The following THOC5 variants were observed in gnomAD, a reference collection of about 807,000 sequenced individuals.
THOC5 encodes the protein Fms-interacting protein.
A neutral mutation model predicts 92.9 loss-of-function variants in THOC5; 43 were observed. The observed-to-expected ratio is 0.46, with a 90% CI of 0.36 to 0.60. THOC5 has a LOEUF of 0.60. Among genes scored for constraint, THOC5 ranks in the 20% least tolerant of loss-of-function variants. The probability of loss-of-function intolerance (pLI) is 0.00; values close to 1 mark genes in which losing one functional copy is unlikely to be tolerated. For missense variants in THOC5, 659 were observed against 849.4 expected, an observed-to-expected ratio of 0.78 and a Z score of 2.79; for synonymous variants, 296 against 320.1, an observed-to-expected ratio of 0.92 and a Z score of 0.80.
At chr22:29,512,712 C>T (rs2063248744) in intron 17 of THOC5, among the ~76,000 whole-genome samples, 1 of 152,080 alleles carries the variant, frequency 6.6e-6, no homozygotes. Context: ...TACTATTATC[C>T]TCATCCTCAT....
intron 1 of THOC5, among the ~76,000 whole-genome samples, chr22:29,551,570 C>A (rs998764680): frequency 6.6e-6 from 1 of 152,020 alleles, no homozygotes; most frequent in East Asian, 1.9e-4. Flanking sequence ...GGCAACAGAG[C>A]GAGACCCCAT....
intron 19 of THOC5, among the ~76,000 whole-genome samples, chr22:29,510,665 A>T (rs999544517): frequency 2.0e-5 from 3 of 151,712 alleles, no homozygotes; most frequent in African/African-American, 7.3e-5. Context: ...AGCAGAACTG[A>T]CTCTTCTAAG....
At chr22:29,522,194 C>CA (rs34045670) in intron 12 of THOC5, among the ~76,000 whole-genome samples, 48,322 of 137,444 alleles carry the variant, frequency 0.35, 8,242 homozygotes, top group South Asian at 0.51. Flanking sequence ...GCTAAAAATA[C>CA]AAAAAAAAAA....
intron 5 of THOC5, among the ~76,000 whole-genome samples, chr22:29,541,279 G>T (rs737981): frequency 0.25 from 37,527 of 151,826 alleles, 4,729 homozygotes; most frequent in East Asian, 0.32. Flanking sequence ...GGAGGCCAAG[G>T]CAGGTGGATC....
At chr22:29,526,303 T>C (rs925896083) in intron 11 of THOC5, among the ~76,000 whole-genome samples, 2 of 151,912 alleles carry the variant, frequency 1.3e-5, no homozygotes, top group Non-Finnish European at 2.9e-5. Flanking sequence ...GAGGCCAAGG[T>C]GGGCAGATCA....
At chr22:29,516,668 A>G (rs2063338051) in intron 17 of THOC5, among the ~76,000 whole-genome samples, 1 of 152,204 alleles carries the variant, frequency 6.6e-6, no homozygotes. Context: ...TGAGGGTGAC[A>G]CCTCAGCCCT....
chr22:29,536,306 T>G (rs964769902), intron 7 of THOC5: 1 of 252,188 alleles, frequency 4.0e-6, no homozygotes, highest in African/African-American at 2.2e-5. Context: ...GAAGCAAGTT[T>G]AGATGCCTGG....
chr22:29,531,995 T>A, intron 7 of THOC5, 32 bp from the exon 8 acceptor site: 3 of 1,608,848 alleles, frequency 1.9e-6, no homozygotes, highest in Non-Finnish European at 2.6e-6. Context: ...TTGTTCTTCC[T>A]TTTTTAGCCA....
intron 5 of THOC5, 136 bp downstream of exon 5, chr22:29,542,723 C>T: frequency 1.9e-6 from 1 of 522,902 alleles, no homozygotes; most frequent in Non-Finnish European, 3.4e-6. Context: ...GAGATTGCGC[C>T]ACTGCACTCC....
At chr22:29,527,122 C>T (rs1302922599) in intron 11 of THOC5, among the ~76,000 whole-genome samples, 1 of 152,006 alleles carries the variant, frequency 6.6e-6, no homozygotes, top group African/African-American at 2.4e-5. Context: ...CTTCTATGAG[C>T]CTAAAATTAT....
At chr22:29,541,893 A>AATATATATATATATAT (rs55924406) in intron 5 of THOC5, among the ~76,000 whole-genome samples, 12 of 74,162 alleles carry the variant, frequency 1.6e-4, no homozygotes, top group African/African-American at 8.3e-4. Context: ...AAAAAAAAAA[A>AATATATATATATATAT]ATATATATAT....
At chr22:29,511,367 C>A in intron 18 of THOC5, 71 bp from the exon 19 acceptor site, 1 of 1,538,550 alleles carries the variant, frequency 6.5e-7, no homozygotes, top group Non-Finnish European at 8.8e-7. Flanking sequence ...GCCAGGCTTC[C>A]GTCCCTGGAT....
At chr22:29,514,769 A>T (rs936052423) in intron 17 of THOC5, among the ~76,000 whole-genome samples, 1 of 151,302 alleles carries the variant, frequency 6.6e-6, no homozygotes, top group African/African-American at 2.4e-5. Flanking sequence ...CAGTGGCTCG[A>T]TCTTGGCTCA....
chr22:29,526,364 C>G (rs2063544839), intron 11 of THOC5, among the ~76,000 whole-genome samples: 1 of 151,958 alleles, frequency 6.6e-6, no homozygotes, highest in South Asian at 2.1e-4. Flanking sequence ...AACCCCGTCT[C>G]TACTAAAAAT....
chr22:29,541,873 AAAAAAAAAAAAAAAAAAAAAATATAT>A, intron 5 of THOC5, among the ~76,000 whole-genome samples: 1 of 61,396 alleles, frequency 1.6e-5, no homozygotes, highest in African/African-American at 4.4e-5. Context: ...AAAAAAAAAA[AAAAAAAAAAAAAAAAAAAAAATATAT>A]ATATATATAT....
chr22:29,543,372 A>AT, intron 4 of THOC5, 57 bp downstream of exon 4: 4 of 1,047,192 alleles, frequency 3.8e-6, no homozygotes, highest in Non-Finnish European at 5.6e-6. Context: ...AAAAAAAAAA[A>AT]GAAGGGGATG....
At chr22:29,536,854 T>C (rs2063770706) in intron 6 of THOC5, 116 bp from the exon 7 acceptor site, 4 of 688,310 alleles carry the variant, frequency 5.8e-6, no homozygotes, top group Admixed American at 4.2e-5. Flanking sequence ...CCAATGTTTA[T>C]CCAGCACTCA....
intron 12 of THOC5, among the ~76,000 whole-genome samples, chr22:29,523,199 A>C (rs776795806): frequency 6.6e-6 from 1 of 152,076 alleles, no homozygotes. Context: ...TCAAGATCTC[A>C]CCACTGCACT....
In THOC5 at chr22:29,531,894, T is replaced by C. The variant is rs2063662516; in HGVS notation, c.784A>G (p.Arg262Gly). 6.2e-7 allele frequency: 1 copy of C among 1,614,104 alleles called. No individual in the cohort carries two copies. The highest frequency in any genetic ancestry group is 8.5e-7 in the Non-Finnish European group (1 of 1,180,048). The change falls in exon 8 of 20, where the codon AGA becomes GGA. Residue 262 changes from arginine (R) to glycine (G), a missense_variant. Physicochemically the swap from Arg to Gly is moderately radical, Grantham distance 125. Coordinates refer to ENST00000490103, the MANE Select transcript of THOC5 (RefSeq NM_003678.5). The part of the protein sequence containing the change: ...DQAHKQYETA[R>G]HLPPPLYVLF... The stretch of plus-strand genomic sequence containing the variant: ...ACATAGAGGGGAGGCGGCAGGTGTC[T>C]GGCTGTCTCATACTGCTTGTGAGCC...
Sources: allele counts gnomAD v4.1 joint callset (sites outside exome capture counted in the v4.1 genomes callset), GRCh38; gene constraint gnomAD v4.1.1; transcripts MANE v1.5; gene names NCBI Gene and HGNC (gene_info 2026-07-23, HGNC 2026-07-21).